CHSY1: variants seen among roughly 807,000 people sequenced by gnomAD.
CHSY1 encodes the protein N-acetylgalactosaminyl-proteoglycan 3-beta-glucuronosyltransferase 1.
In CHSY1, 13 loss-of-function variants were observed where a neutral mutation model predicts 59.8. The ratio of observed to expected loss-of-function variants is 0.22; its 90% confidence interval spans 0.14 to 0.35. The LOEUF (loss-of-function observed/expected upper bound fraction) is 0.35, where lower values mean the gene tolerates loss of function less well. CHSY1 is among the 10% of genes least tolerant of loss of function. The probability of loss-of-function intolerance (pLI) is 1.00; values close to 1 mark genes in which losing one functional copy is unlikely to be tolerated. For synonymous variants in CHSY1, 459 were observed against 401.2 expected (o/e 1.14, Z -1.72); for missense variants, 947 against 1,030.6 (o/e 0.92, Z 1.11).
At chr15:101,241,433 C>T (rs995346470) in intron 1 of CHSY1, among the ~76,000 whole-genome samples, 1 of 152,152 alleles carries the variant, frequency 6.6e-6, no homozygotes, top group Non-Finnish European at 1.5e-5. Context: ...TTTTCTGCAA[C>T]AGGTATATTT....
intron 2 of CHSY1, among the ~76,000 whole-genome samples, chr15:101,207,356 C>A (rs566422341): frequency 6.6e-6 from 1 of 152,252 alleles, no homozygotes; most frequent in African/African-American, 2.4e-5. Flanking sequence ...ACTTCGCCAA[C>A]TAACAACAGT....
chr15:101,211,958 G>C (rs1259621665), intron 2 of CHSY1, among the ~76,000 whole-genome samples: 4 of 150,206 alleles, frequency 2.7e-5, no homozygotes, highest in African/African-American at 9.8e-5. Flanking sequence ...AAAGACAGGA[G>C]AACAACTTCA....
chr15:101,203,288 A>C lies in CHSY1; in HGVS notation c.817-24308T>G, dbSNP rs953852209. Among the ~76,000 whole-genome samples the C allele has an allele frequency of 2.0e-5, 3 of 152,254 alleles. No individual in the cohort carries two copies. The South Asian group carries it at 6.2e-4, about 32-fold the overall frequency. On this transcript the variant is annotated intron_variant, in intron 2 of 2. Transcript: ENST00000254190. ...TGGACCTTCTCCCTTTAGGCAGCCC[A>C]CTCCACAGGTCAAGGCCACACATCC...
At position 101,178,025 on chromosome 15, in the gene CHSY1, C is replaced by A. The variant is rs148790468; in HGVS notation, c.1772G>T (p.Arg591Leu). ...CATGTCGGCTTTAGGGTACTTAATG[C>A]GGTAATCTCTCATCAGTTCAACTTG... Reference protein sequence around the residue: ...AKQVELMRDYRIKYPKADMQI... With the variant: ...AKQVELMRDYLIKYPKADMQI... Residue 591 changes from arginine to leucine, a missense_variant, in exon 3 of 3, where the codon CGC becomes CTC. Around this residue, in one of 4 missense-constraint regions of CHSY1, gnomAD observed 602 missense variants for 676.9 expected, o/e 0.89. Transcript: ENST00000254190. The A allele has an allele frequency of 6.2e-7, 1 of 1,614,108 alleles. No homozygotes were observed. Among genetic ancestry groups the A allele is most frequent in the Admixed American group, 1.7e-5 (1 of 60,016 alleles).
At chr15:101,204,442 A>G (rs1289153920) in intron 2 of CHSY1, among the ~76,000 whole-genome samples, 3 of 48,234 alleles carry the variant, frequency 6.2e-5, no homozygotes, top group Non-Finnish European at 9.8e-5. Context: ...CTCAAATAAT[A>G]ATAATAATAA....
intron 2 of CHSY1, among the ~76,000 whole-genome samples, chr15:101,191,801 A>G (rs1297250966): frequency 6.6e-6 from 1 of 152,198 alleles, no homozygotes; most frequent in Non-Finnish European, 1.5e-5. Flanking sequence ...ATCTATGTTA[A>G]GTAGATTGTA....
chr15:101,247,399 T>G (rs1308365097), intron 1 of CHSY1, among the ~76,000 whole-genome samples: 2 of 152,192 alleles, frequency 1.3e-5, no homozygotes, highest in African/African-American at 4.8e-5. Context: ...ACACTTGCCC[T>G]GCCCCAACCC....
chr15:101,189,119 A>G (rs2038410174), intron 2 of CHSY1, among the ~76,000 whole-genome samples: 1 of 152,242 alleles, frequency 6.6e-6, no homozygotes, highest in South Asian at 2.1e-4. Context: ...CAGAGAAGAA[A>G]CAAGCGCGAA....
chr15:101,188,163 C>T (rs1398291629), intron 2 of CHSY1: 2 of 985,464 alleles, frequency 2.0e-6, no homozygotes, highest in African/African-American at 1.7e-5. Context: ...ACTTCCCATT[C>T]GGACTTAGGC....
In CHSY1 at chr15:101,178,338, C is replaced by T. The variant is rs755534099; in HGVS notation, c.1459G>A (p.Glu487Lys). Residue 487 changes from glutamate to lysine, a missense_variant, in exon 3 of 3, where the codon GAG becomes AAG. Glu to Lys is a moderately conservative substitution (Grantham distance 56). Transcript: ENST00000254190. ...FSKIQFVEHE[E>K]LDAQELAKRI... ...TTGGCCAACTCTTGTGCATCCAGCT[C>T]CTCATGCTCCACAAACTGGATTTTG... is the stretch of plus-strand genomic sequence containing the variant. The T allele has an allele frequency of 1.2e-6, 2 of 1,607,968 alleles. No homozygotes were observed. The highest frequency in any genetic ancestry group is 1.1e-5 in the South Asian group (1 of 90,974).
intron 2 of CHSY1, among the ~76,000 whole-genome samples, chr15:101,201,386 G>A (rs537291505): frequency 5.3e-5 from 8 of 152,198 alleles, no homozygotes; most frequent in South Asian, 2.1e-4. Context: ...ACCACCAAAC[G>A]TCCTATAGAA....
intron 2 of CHSY1, among the ~76,000 whole-genome samples, chr15:101,221,150 G>A (rs1375400467): frequency 1.3e-5 from 2 of 152,190 alleles, no homozygotes; most frequent in Non-Finnish European, 2.9e-5. Context: ...CAGCCCCTAT[G>A]CCTATAGCAG....
intron 1 of CHSY1, among the ~76,000 whole-genome samples, chr15:101,249,230 C>G (rs1038444950): frequency 6.6e-5 from 10 of 151,882 alleles, no homozygotes; most frequent in African/African-American, 2.4e-4. Flanking sequence ...ACCTAATTTA[C>G]TGTTTGTACT....
intron 2 of CHSY1, among the ~76,000 whole-genome samples, chr15:101,224,728 C>T (rs1240664046): frequency 6.6e-6 from 1 of 152,196 alleles, no homozygotes; most frequent in African/African-American, 2.4e-5. Flanking sequence ...CACGCTTACA[C>T]TTCTAAACCT....
chr15:101,248,312 A>C (rs1596457690), intron 1 of CHSY1, among the ~76,000 whole-genome samples: 1 of 152,208 alleles, frequency 6.6e-6, no homozygotes, highest in East Asian at 1.9e-4. Context: ...GCCCTCCCCA[A>C]AAGTTCCTTA....
At position 101,178,507 on chromosome 15, in the gene CHSY1, T is replaced by C. The variant is rs2038229304; in HGVS notation, c.1290A>G (p.Lys430=). ...CCCGGCGGTAGCCGTACTGGATCTC[T>C]TTGAAGTCAATGATGCGCCCTCTGG... is the stretch of plus-strand genomic sequence containing the variant. ...AKTRGRIIDF[K]EIQYGYRRVN... is the part of the protein sequence containing the mutation. The change falls in exon 3 of 3, where the codon AAA becomes AAG. Residue 430 remains lysine (K), a synonymous_variant. Transcript: ENST00000254190. 6.2e-7 allele frequency: 1 copy of C among 1,614,246 alleles called. No individual in the cohort carries two copies. Among genetic ancestry groups the C allele is most frequent in the Admixed American group, 1.7e-5 (1 of 60,030 alleles).
intron 2 of CHSY1, among the ~76,000 whole-genome samples, chr15:101,208,426 CAGA>C (rs2038649285): frequency 6.6e-6 from 1 of 152,030 alleles, no homozygotes; most frequent in Non-Finnish European, 1.5e-5. Flanking sequence ...CAAAAAGATA[CAGA>C]AGGCCAGTCA....
intron 2 of CHSY1, among the ~76,000 whole-genome samples, chr15:101,205,776 C>G (rs2038618467): frequency 6.6e-6 from 1 of 151,940 alleles, no homozygotes; most frequent in South Asian, 2.1e-4. Flanking sequence ...ACGGTGAAAC[C>G]CCGTCTCTAC....
chr15:101,189,569 G>T, intron 2 of CHSY1: 1 of 560,610 alleles, frequency 1.8e-6, no homozygotes, highest in Non-Finnish European at 2.3e-6. Context: ...CTGGCAACCA[G>T]TTCAAGTGAG....
Sources: gnomAD v4.1 joint callset for allele counts (sites outside exome capture counted in the v4.1 genomes callset) on GRCh38, gnomAD v4.1.1 for gene constraint, gnomAD v4.1.1 regional missense constraint, MANE v1.5 for transcripts, NCBI Gene and HGNC (gene_info 2026-07-23, HGNC 2026-07-21) for gene names.